RBMS3: variants seen among roughly 807,000 people sequenced by gnomAD.
RBMS3 encodes RNA-binding motif, single-stranded-interacting protein 3.
Under a neutral mutation model 66.8 loss-of-function variants are expected in RBMS3, and 27 were observed. The ratio of observed to expected loss-of-function variants is 0.40; its 90% confidence interval spans 0.30 to 0.56. RBMS3 has a LOEUF of 0.56. RBMS3 is among the 20% of genes least tolerant of loss of function. The probability of loss-of-function intolerance (pLI) is 0.40; values close to 1 mark genes in which losing one functional copy is unlikely to be tolerated. For missense variants in RBMS3, 513 were observed against 549.5 expected, an observed-to-expected ratio of 0.93 and a Z score of 0.66; for synonymous variants, 188 against 183.0, an observed-to-expected ratio of 1.03 and a Z score of -0.22.
intron 3 of RBMS3, among the ~76,000 whole-genome samples, chr3:29,495,776 T>C (rs1225385771): frequency 6.6e-6 from 1 of 152,056 alleles, no homozygotes; most frequent in Non-Finnish European, 1.5e-5. Context: ...GGATATTATA[T>C]TTTGTTATAT....
chr3:29,925,570 A>G (rs2060915766), intron 10 of RBMS3, among the ~76,000 whole-genome samples: 1 of 152,208 alleles, frequency 6.6e-6, no homozygotes, highest in African/African-American at 2.4e-5. Context: ...ATTCCAAGCT[A>G]TCTGGCTCTC....
At chr3:29,863,274 G>A (rs2059264204) in intron 6 of RBMS3, among the ~76,000 whole-genome samples, 2 of 150,950 alleles carry the variant, frequency 1.3e-5, no homozygotes, top group African/African-American at 2.4e-5. Flanking sequence ...TGTAAATGAC[G>A]AGTTAATGGG....
chr3:29,981,678 G>A (rs1416644342), intron 12 of RBMS3, among the ~76,000 whole-genome samples: 4 of 152,064 alleles, frequency 2.6e-5, no homozygotes, highest in Non-Finnish European at 4.4e-5. Context: ...TGCATCTATC[G>A]AGATAATCAT....
At chr3:29,941,973 C>T (rs1224923905) in intron 11 of RBMS3, among the ~76,000 whole-genome samples, 2 of 151,654 alleles carry the variant, frequency 1.3e-5, no homozygotes, top group Non-Finnish European at 2.9e-5. Context: ...GGTAGTCAGT[C>T]GAGATACTTC....
chr3:29,973,455 A>G (rs1697352689), intron 12 of RBMS3, among the ~76,000 whole-genome samples: 1 of 151,998 alleles, frequency 6.6e-6, no homozygotes, highest in Admixed American at 6.6e-5. Flanking sequence ...TCTCCAGGAT[A>G]CCCAATGTAT....
Position 29,281,586 on chromosome 3 carries a change from G to C in RBMS3, c.-96G>C. 1 of 939,428 alleles carries C rather than the reference G, an allele frequency of 1.1e-6. No homozygotes were observed. Among genetic ancestry groups the C allele is most frequent in the East Asian group, 2.5e-5 (1 of 40,214 alleles). 58.2% of individuals were successfully genotyped at this position (939,428 alleles called of 1,614,324 possible). ...AGTCTCTGAAGCCTCATCAGTCACC[G>C]GGACTGTCAGGAATAGTGGTTTAAG... On this transcript the variant is annotated 5_prime_UTR_variant, in exon 1 of 15. Transcript: ENST00000383767.
Position 29,479,174 on chromosome 3 carries a change from G to A in RBMS3, c.249-9267G>A, listed in dbSNP as rs757391446. 1.0e-3 allele frequency among the ~76,000 whole-genome samples: 152 copies of A among 151,954 alleles called. 3 individuals carry two copies. The highest frequency in any genetic ancestry group is 9.4e-4 in the Non-Finnish European group (64 of 67,982). On this transcript the variant is annotated intron_variant, in intron 2 of 14. Transcript: ENST00000383767. ...ATATACCTAAATTTAATTATTTCAT[G>A]TTAAATAAATGAAAATAATATCAAC...
At chr3:29,996,686 T>C (rs1308700301) in intron 14 of RBMS3, among the ~76,000 whole-genome samples, 1 of 151,810 alleles carries the variant, frequency 6.6e-6, no homozygotes, top group African/African-American at 2.4e-5. Context: ...CATAACGAAA[T>C]GAAGGCAGAA....
intron 6 of RBMS3, among the ~76,000 whole-genome samples, chr3:29,790,271 A>G (rs1181814764): frequency 6.6e-6 from 1 of 152,194 alleles, no homozygotes; most frequent in Admixed American, 6.5e-5. Flanking sequence ...TTAAAACAAG[A>G]TATAATTGCA....
chr3:29,963,610 T>C (rs988577420), intron 12 of RBMS3, among the ~76,000 whole-genome samples: 2 of 152,106 alleles, frequency 1.3e-5, no homozygotes, highest in African/African-American at 4.8e-5. Context: ...GGTGGATCAC[T>C]TGAAGTCAGG....
In RBMS3 at chr3:29,563,396, A is replaced by C. The variant is rs534509361; in HGVS notation, c.308-23718A>C. 7.9e-5 allele frequency among the ~76,000 whole-genome samples: 12 copies of C among 152,302 alleles called. No homozygotes were observed. In the East Asian group the frequency reaches 2.3e-3, roughly 29 times the overall value. On this transcript the variant is annotated intron_variant, in intron 3 of 14. Coordinates refer to ENST00000383767, the MANE Select transcript of RBMS3 (RefSeq NM_001003793.3). ...GACTGTGACCAGCATGGGTCTGTTC[A>C]TTTATTCAACCAATATTTCTTTAGT...
In RBMS3 at chr3:30,009,392, T is replaced by C. The variant is rs1334707148; in HGVS notation, c.*5530T>C. The C allele has an allele frequency of 6.6e-6, 1 of 152,156 alleles. No homozygotes were observed. Among genetic ancestry groups the C allele is most frequent in the Admixed American group, 6.6e-5 (1 of 15,264 alleles). The allele number at this position is 152,156 out of a possible 1,614,324, so 9.4% of individuals were successfully genotyped here. A position where few individuals can be genotyped will look rare whatever the true frequency, so the allele number is the denominator to read the frequency against. On this transcript the variant is annotated 3_prime_UTR_variant, in exon 15 of 15. Coordinates refer to ENST00000383767, the MANE Select transcript of RBMS3 (RefSeq NM_001003793.3). ...AATTTCTTAAGGGGGTTTGAAATCA[T>C]TGGTAAAATTAATATCAGTACATTA...
At chr3:29,832,734 A>G (rs1013377393) in intron 6 of RBMS3, among the ~76,000 whole-genome samples, 34 of 152,150 alleles carry the variant, frequency 2.2e-4, no homozygotes, top group Non-Finnish European at 4.1e-4. Flanking sequence ...TGGGAACAGG[A>G]AACGGAGGCT....
chr3:29,884,073 TG>T (rs1246090214), intron 7 of RBMS3, 88 bp from the exon 8 acceptor site: 14 of 1,114,974 alleles, frequency 1.3e-5, no homozygotes, highest in Non-Finnish European at 1.7e-5. Context: ...TGGAAAGTAA[TG>T]ATAAGAGTCT....
At chr3:29,792,113 A>G (rs2057031324) in intron 6 of RBMS3, among the ~76,000 whole-genome samples, 1 of 152,182 alleles carries the variant, frequency 6.6e-6, no homozygotes, top group South Asian at 2.1e-4. Context: ...TCATTTTTAT[A>G]AAATCACAAC....
intron 6 of RBMS3, among the ~76,000 whole-genome samples, chr3:29,819,123 C>G (rs2058003521): frequency 6.6e-6 from 1 of 152,128 alleles, no homozygotes; most frequent in Admixed American, 6.6e-5. Context: ...ATCAAGTGTT[C>G]TATTCTTTTC....
rs139157060 is a variant in RBMS3, at chr3:29,873,689, C to G, written c.744+4725C>G. 1.7e-4 allele frequency among the ~76,000 whole-genome samples: 26 copies of G among 152,198 alleles called. No homozygotes were observed. The East Asian group carries it at 4.8e-3, about 28-fold the overall frequency. On this transcript the variant is annotated intron_variant, in intron 7 of 14. Transcript: ENST00000383767. ...TGGTTTTTGAGACGAATGCTTCTGG[C>G]TTTTGCCCATTCAGTATGATGTTGA... is the stretch of plus-strand genomic sequence containing the variant.
chr3:29,477,554 A>G (rs1221111639), intron 2 of RBMS3, among the ~76,000 whole-genome samples: 2 of 152,178 alleles, frequency 1.3e-5, no homozygotes, highest in East Asian at 3.9e-4. Context: ...GTACAATACA[A>G]TACAGTACTA....
intron 5 of RBMS3, among the ~76,000 whole-genome samples, chr3:29,751,526 T>G (rs149328624): frequency 6.6e-6 from 1 of 152,310 alleles, no homozygotes; most frequent in East Asian, 1.9e-4. Context: ...CACACAAAAT[T>G]TCTTTCCCAA....
Sources: allele counts gnomAD v4.1 joint callset (sites outside exome capture counted in the v4.1 genomes callset), GRCh38; gene constraint gnomAD v4.1.1; transcripts MANE v1.5; gene names NCBI Gene and HGNC (gene_info 2026-07-23, HGNC 2026-07-21).